The following LSAMP variants were observed in gnomAD, a reference collection of about 807,000 sequenced individuals.
LSAMP encodes the protein limbic system associated membrane protein.
In LSAMP, 7 loss-of-function variants were observed where a neutral mutation model predicts 38.6. The observed-to-expected ratio is 0.18, with a 90% CI of 0.10 to 0.34. LSAMP has a LOEUF of 0.34. Ranked by LOEUF, LSAMP falls within the 10% of genes least tolerant of loss-of-function variation. LSAMP has a pLI of 1.00. For synonymous variants in LSAMP, 154 were observed against 166.8 expected, an observed-to-expected ratio of 0.92 and a Z score of 0.59; for missense variants, 313 against 420.0, an observed-to-expected ratio of 0.75 and a Z score of 2.23.
chr3:116,313,289 G>T (rs556153749), intron 1 of LSAMP, among the ~76,000 whole-genome samples: 2 of 152,270 alleles, frequency 1.3e-5, no homozygotes, highest in East Asian at 3.9e-4. Flanking sequence ...ATGAAACTTT[G>T]CTGTCTGTGG....
rs115877112 is a variant in LSAMP, at chr3:115,948,813, A to G, written c.514+70702T>C. On this transcript the variant is annotated intron_variant, in intron 3 of 6. Transcript: ENST00000490035. Reference sequence around the variant, plus strand: ...AACTAAATAAAATTAAAACAACAACAATACCAAATAATAATAGTAATACAA... The same window carrying G: ...AACTAAATAAAATTAAAACAACAACGATACCAAATAATAATAGTAATACAA... Among the ~76,000 whole-genome samples, 793 of 152,278 alleles carry G rather than the reference A, an allele frequency of 5.2e-3. 12 individuals carry two copies. Among genetic ancestry groups the G allele is most frequent in the African/African-American group, 0.018 (740 of 41,566 alleles).
At chr3:115,939,731 T>A (rs950777570) in intron 3 of LSAMP, among the ~76,000 whole-genome samples, 2 of 152,030 alleles carry the variant, frequency 1.3e-5, no homozygotes, top group African/African-American at 2.4e-5. Flanking sequence ...ATTATTTTAT[T>A]TTATTTTTGT....
At chr3:115,845,576 T>C (rs1935133164) in intron 4 of LSAMP, among the ~76,000 whole-genome samples, 1 of 117,988 alleles carries the variant, frequency 8.5e-6, no homozygotes, top group Non-Finnish European at 1.7e-5. Flanking sequence ...GAGGTTCTCC[T>C]CTTTTCTCCA....
chr3:116,094,643 C>G (rs1441306619), intron 1 of LSAMP, among the ~76,000 whole-genome samples: 1 of 152,154 alleles, frequency 6.6e-6, no homozygotes. Flanking sequence ...AGGTGGTAAA[C>G]CCACAGGAAC....
At chr3:116,246,855 T>A (rs1368174368) in intron 1 of LSAMP, among the ~76,000 whole-genome samples, 5 of 151,934 alleles carry the variant, frequency 3.3e-5, no homozygotes, top group Non-Finnish European at 4.4e-5. Context: ...ACTTTGAAAA[T>A]GTCCTGGTAG....
chr3:116,244,667 A>G (rs996506161), intron 1 of LSAMP, among the ~76,000 whole-genome samples: 10 of 152,184 alleles, frequency 6.6e-5, no homozygotes, highest in Non-Finnish European at 1.3e-4. Flanking sequence ...AGATAGTGTT[A>G]TTTATTTGTT....
chr3:116,275,203 C>CCAT (rs1256308592), intron 1 of LSAMP, among the ~76,000 whole-genome samples: 1 of 151,990 alleles, frequency 6.6e-6, no homozygotes, highest in Non-Finnish European at 1.5e-5. Flanking sequence ...CAGGTATGCA[C>CCAT]CATCATGCCT....
chr3:116,062,579 T>A (rs913004846), intron 2 of LSAMP, among the ~76,000 whole-genome samples: 3 of 149,418 alleles, frequency 2.0e-5, no homozygotes, highest in Admixed American at 6.6e-5. Flanking sequence ...GGAGGGTCTC[T>A]CTCTCTCTCT....
At chr3:116,252,829 C>T (rs1295043241) in intron 1 of LSAMP, among the ~76,000 whole-genome samples, 1 of 152,208 alleles carries the variant, frequency 6.6e-6, no homozygotes, top group Non-Finnish European at 1.5e-5. Flanking sequence ...TTCTTTGCAA[C>T]AGCCTCCAGA....
intron 1 of LSAMP, among the ~76,000 whole-genome samples, chr3:116,087,839 A>G (rs1487510057): frequency 6.6e-6 from 1 of 152,122 alleles, no homozygotes; most frequent in Non-Finnish European, 1.5e-5. Context: ...GGTATAATAC[A>G]AAGACCTCCT....
intron 1 of LSAMP, among the ~76,000 whole-genome samples, chr3:116,164,369 C>T (rs1709978644): frequency 6.6e-6 from 1 of 150,996 alleles, no homozygotes; most frequent in Non-Finnish European, 1.5e-5. Context: ...AAGAGTTGTG[C>T]CAAATACTAA....
rs562920427 is a variant in LSAMP at position 116,190,516 on chromosome 3, T to C, written c.156-103960A>G. Among the ~76,000 whole-genome samples, 21 of 152,214 alleles carry C rather than the reference T, an allele frequency of 1.4e-4. 1 individual carries two copies. Among genetic ancestry groups the C allele is most frequent in the African/African-American group, 4.8e-4 (20 of 41,528 alleles). ...CAGAGGGAGATAAACAAACAGTGTGTATCTGCATTTTAATGGGAATAAACA... is the reference window on the plus strand; with the variant it reads ...CAGAGGGAGATAAACAAACAGTGTGCATCTGCATTTTAATGGGAATAAACA... On this transcript the variant is annotated intron_variant, in intron 1 of 6. Coordinates refer to ENST00000490035, the MANE Select transcript of LSAMP (RefSeq NM_002338.5).
At chr3:116,245,831 T>G (rs558089603) in intron 1 of LSAMP, among the ~76,000 whole-genome samples, 1 of 152,090 alleles carries the variant, frequency 6.6e-6, no homozygotes, top group South Asian at 2.1e-4. Flanking sequence ...AAAAGAAAAA[T>G]GGGATGTACT....
At chr3:116,148,216 CAG>C (rs1469440291) in intron 1 of LSAMP, among the ~76,000 whole-genome samples, 2 of 150,418 alleles carry the variant, frequency 1.3e-5, no homozygotes, top group Non-Finnish European at 2.9e-5. Flanking sequence ...GAAGAAAGAA[CAG>C]AGGATTTTAT....
chr3:115,879,249 T>A (rs1490826725), intron 3 of LSAMP, among the ~76,000 whole-genome samples: 1 of 152,158 alleles, frequency 6.6e-6, no homozygotes, highest in African/African-American at 2.4e-5. Flanking sequence ...GACACAGATC[T>A]ACAAATGTGT....
intron 1 of LSAMP, among the ~76,000 whole-genome samples, chr3:116,164,471 C>T (rs1374313433): frequency 6.7e-5 from 10 of 148,860 alleles, no homozygotes; most frequent in African/African-American, 1.5e-4. Flanking sequence ...ACCACAAGTA[C>T]GTTTGCACCA....
intron 1 of LSAMP, among the ~76,000 whole-genome samples, chr3:116,133,195 A>T (rs970502495): frequency 6.6e-6 from 1 of 152,174 alleles, no homozygotes; most frequent in Non-Finnish European, 1.5e-5. Flanking sequence ...AACCTAGGAA[A>T]CTTTGAGCAG....
chr3:116,357,222 A>G (rs937684321), intron 1 of LSAMP, among the ~76,000 whole-genome samples: 1 of 152,204 alleles, frequency 6.6e-6, no homozygotes, highest in Non-Finnish European at 1.5e-5. Flanking sequence ...TTTAGAGTCA[A>G]TGTGAAAAAA....
intron 3 of LSAMP, among the ~76,000 whole-genome samples, chr3:115,939,581 T>TTTCTTTCTTTCG (rs1221412986): frequency 4.2e-4 from 64 of 150,874 alleles, no homozygotes; most frequent in African/African-American, 1.6e-3. Context: ...TCTTTCTTTC[T>TTTCTTTCTTTCG]TTCTGTTAAG....
Sources: gnomAD v4.1 joint callset for allele counts (sites outside exome capture counted in the v4.1 genomes callset) on GRCh38, gnomAD v4.1.1 for gene constraint, MANE v1.5 for transcripts, NCBI Gene and HGNC (gene_info 2026-07-23, HGNC 2026-07-21) for gene names.